The following KLF6 variants were observed in gnomAD, a reference collection of about 807,000 sequenced individuals.
KLF6 encodes KLF transcription factor 6, also known as Krueppel-like factor 6.
For synonymous variants in KLF6, 152 were observed against 147.9 expected (o/e 1.03, Z -0.20); for missense variants, 233 against 359.8 (o/e 0.65, Z 2.85).
rs1434317209 is a variant in KLF6 at position 3,777,821 on chromosome 10, C to T, written c.*1718G>A. ...CAAATATACATACACAAGAATTCTG[C>T]CCACTTTTTTAAAAAAGTAGTATAC... is the stretch of plus-strand genomic sequence containing the variant. On this transcript the variant is annotated 3_prime_UTR_variant, in exon 4 of 4. Transcript: ENST00000497571. 5 of 478,692 alleles carry T rather than the reference C, an allele frequency of 1.0e-5. No individual in the cohort carries two copies. The highest frequency in any genetic ancestry group is 2.1e-5 in the Non-Finnish European group (5 of 242,588). 29.7% of individuals were successfully genotyped at this position (478,692 alleles called of 1,614,324 possible). A position where few individuals can be genotyped will look rare whatever the true frequency, so the allele number is the denominator to read the frequency against.
rs931227399 is a variant in KLF6 at position 3,781,281 on chromosome 10, C to A, written c.676+360G>T. The A allele has an allele frequency of 1.3e-6, 1 of 759,824 alleles. No homozygotes were observed. The highest frequency in any genetic ancestry group is 2.0e-6 in the Non-Finnish European group (1 of 490,806). The allele number at this position is 759,824 out of a possible 1,614,324, so 47.1% of individuals were successfully genotyped here. ...TGACCCTTGAGTTTCATTTAGGAAA[C>A]CCCAGGGCCGCTCGAGGTAGCCTCG... On this transcript the variant is annotated intron_variant, in intron 2 of 3. Transcript: ENST00000497571. The surrounding 1 kb of genome is among the most constrained non-coding windows in gnomAD (Gnocchi z 5.8).
chr10:3,777,588 C>T lies in KLF6; in HGVS notation c.*1951G>A, dbSNP rs1002130914. ...CGGAACAGATTCAAGCAAGAAAGTC[C>T]TCCGCACATCGTTAAATTAAAGATA... is the stretch of plus-strand genomic sequence containing the variant. On this transcript the variant is annotated 3_prime_UTR_variant, in exon 4 of 4. Coordinates refer to ENST00000497571, the MANE Select transcript of KLF6 (RefSeq NM_001300.6). 9 of 511,320 alleles carry T rather than the reference C, an allele frequency of 1.8e-5. No homozygotes were observed. The highest frequency in any genetic ancestry group is 3.8e-5 in the African/African-American group (2 of 52,464). The allele number at this position is 511,320 out of a possible 1,614,324, so 31.7% of individuals were successfully genotyped here.
Position 3,781,628 on chromosome 10 carries a change from C to CGTGGGCACTGACCTGT in KLF6, c.673_676+12dup. ...ACCAGCGGCCGCCCTCCGGGGCCCG[C>CGTGGGCACTGACCTGT]GTGGGCACTGACCTGTGTGCGTCCG... is the stretch of plus-strand genomic sequence containing the variant. On this transcript the variant is annotated intron_variant, in intron 2 of 3. Transcript: ENST00000497571. This position sits in a 1 kb window ranked among gnomAD's most constrained non-coding sequence, Gnocchi z 5.8. The CGTGGGCACTGACCTGT allele has an allele frequency of 6.2e-7, 1 of 1,612,206 alleles. No individual in the cohort carries two copies. Among genetic ancestry groups the CGTGGGCACTGACCTGT allele is most frequent in the Non-Finnish European group, 8.5e-7 (1 of 1,179,224 alleles).
At position 3,785,180 on chromosome 10, in the gene KLF6, C is replaced by T; in HGVS notation, c.-166G>A. The T allele has an allele frequency of 7.0e-7, 1 of 1,424,720 alleles. No individual in the cohort carries two copies. Among genetic ancestry groups the T allele is most frequent in the Non-Finnish European group, 9.6e-7 (1 of 1,046,958 alleles). 88.3% of individuals were successfully genotyped at this position (1,424,720 alleles called of 1,614,324 possible). A position where few individuals can be genotyped will look rare whatever the true frequency, so the allele number is the denominator to read the frequency against. ...CGCAGCCCGCAGCGCGCGGAGCCCACACAATATTTGCAAACACCGGACTGA... is the reference window on the plus strand; with the variant it reads ...CGCAGCCCGCAGCGCGCGGAGCCCATACAATATTTGCAAACACCGGACTGA... On this transcript the variant is annotated 5_prime_UTR_variant, in exon 1 of 4. The change creates a new upstream start codon in the 5' untranslated region. Transcript: ENST00000497571.
rs1832383202 is a variant in KLF6 at position 3,776,667 on chromosome 10, A to T, written c.*2872T>A. On this transcript the variant is annotated 3_prime_UTR_variant, in exon 4 of 4. Coordinates refer to ENST00000497571, the MANE Select transcript of KLF6 (RefSeq NM_001300.6). The stretch of plus-strand genomic sequence containing the variant: ...TCTTGTAAAACAAAATTTTACAAAA[A>T]TCTTACAAAGATTCTTTAGATAACA... 4.1e-6 allele frequency: 2 copies of T among 484,242 alleles called. No individual in the cohort carries two copies. The highest frequency in any genetic ancestry group is 3.9e-6 in the Non-Finnish European group (1 of 255,682). The allele number at this position is 484,242 out of a possible 1,614,324, so 30.0% of individuals were successfully genotyped here. A position where few individuals can be genotyped will look rare whatever the true frequency, so the allele number is the denominator to read the frequency against.
chr10:3,777,749 CTA>C lies in KLF6; in HGVS notation c.*1788_*1789del, dbSNP rs752110682. ...CTTAAAAAAAATATTTATATATTAT[CTA>C]TATATATAATATATATATATACACA... On this transcript the variant is annotated 3_prime_UTR_variant, in exon 4 of 4. Coordinates refer to ENST00000497571, the MANE Select transcript of KLF6 (RefSeq NM_001300.6). 3.7e-6 allele frequency: 1 copy of C among 272,102 alleles called. No homozygotes were observed. Among genetic ancestry groups the C allele is most frequent in the South Asian group, 4.2e-5 (1 of 23,752 alleles). The allele number at this position is 272,102 out of a possible 1,614,324, so 16.9% of individuals were successfully genotyped here. A position where few individuals can be genotyped will look rare whatever the true frequency, so the allele number is the denominator to read the frequency against.
chr10:3,778,682 T>C lies in KLF6; in HGVS notation c.*857A>G. 2 of 527,254 alleles carry C rather than the reference T, an allele frequency of 3.8e-6. No homozygotes were observed. The highest frequency in any genetic ancestry group is 3.1e-5 in the South Asian group (2 of 64,978). The allele number at this position is 527,254 out of a possible 1,614,324, so 32.7% of individuals were successfully genotyped here. A position where few individuals can be genotyped will look rare whatever the true frequency, so the allele number is the denominator to read the frequency against. On this transcript the variant is annotated 3_prime_UTR_variant, in exon 4 of 4. Transcript: ENST00000497571. ...CTAGGGGGTCACTGTATTAGACAGATTGGATCTTAGCTGCTCATTAACTGG... is the reference window on the plus strand; with the variant it reads ...CTAGGGGGTCACTGTATTAGACAGACTGGATCTTAGCTGCTCATTAACTGG...
At position 3,780,325 on chromosome 10, in the gene KLF6, C is replaced by T; in HGVS notation, c.677-96G>A. 1 of 1,487,088 alleles carries T rather than the reference C, an allele frequency of 6.7e-7. No homozygotes were observed. Among genetic ancestry groups the T allele is most frequent in the Non-Finnish European group, 9.3e-7 (1 of 1,076,590 alleles). 92.1% of individuals were successfully genotyped at this position (1,487,088 alleles called of 1,614,324 possible). ...ACACACACAGTGGTGGGATGCAAGG[C>T]CAGGGACCCAGTGGCTTCTGGCATC... On this transcript the variant is annotated intron_variant, in intron 2 of 3. Transcript: ENST00000497571. This position sits in a 1 kb window ranked among gnomAD's most constrained non-coding sequence, Gnocchi z 4.6.
chr10:3,780,341 T>C lies in KLF6; in HGVS notation c.677-112A>G. On this transcript the variant is annotated intron_variant, in intron 2 of 3. Coordinates refer to ENST00000497571, the MANE Select transcript of KLF6 (RefSeq NM_001300.6). This position sits in a 1 kb window ranked among gnomAD's most constrained non-coding sequence, Gnocchi z 4.6. The stretch of plus-strand genomic sequence containing the variant: ...GATGCAAGGCCAGGGACCCAGTGGC[T>C]TCTGGCATCGGTAACACACAACAAC... The C allele has an allele frequency of 7.5e-7, 1 of 1,330,752 alleles. No homozygotes were observed. Among genetic ancestry groups the C allele is most frequent in the Non-Finnish European group, 1.1e-6 (1 of 935,502 alleles). 82.4% of individuals were successfully genotyped at this position (1,330,752 alleles called of 1,614,324 possible).
In KLF6 at chr10:3,776,155, G is replaced by C. The variant is rs753310422; in HGVS notation, c.*3384C>G. The stretch of plus-strand genomic sequence containing the variant: ...GGGCTGGCTGGGGAAGGTAGGCCCA[G>C]CTCTAGCTGCGGAACTGGAGCAGGC... On this transcript the variant is annotated 3_prime_UTR_variant, in exon 4 of 4. Transcript: ENST00000497571. The C allele has an allele frequency of 5.7e-6, 3 of 530,440 alleles. No individual in the cohort carries two copies. The highest frequency in any genetic ancestry group is 5.6e-5 in the African/African-American group (3 of 53,606). The allele number at this position is 530,440 out of a possible 1,614,324, so 32.9% of individuals were successfully genotyped here. A position where few individuals can be genotyped will look rare whatever the true frequency, so the allele number is the denominator to read the frequency against.
Position 3,781,286 on chromosome 10 carries a change from G to T in KLF6, c.676+355C>A. 1.3e-6 allele frequency: 1 copy of T among 780,760 alleles called. No homozygotes were observed. Among genetic ancestry groups the T allele is most frequent in the Non-Finnish European group, 2.0e-6 (1 of 508,922 alleles). 48.4% of individuals were successfully genotyped at this position (780,760 alleles called of 1,614,324 possible). ...CTTGAGTTTCATTTAGGAAACCCCA[G>T]GGCCGCTCGAGGTAGCCTCGTGCGA... On this transcript the variant is annotated intron_variant, in intron 2 of 3. Transcript: ENST00000497571. The surrounding 1 kb of genome is among the most constrained non-coding windows in gnomAD (Gnocchi z 5.8).
rs1338807072 is a variant in KLF6, at chr10:3,785,076, G to GAGCCGA, written c.-68_-63dup. 17 of 1,606,512 alleles carry GAGCCGA rather than the reference G, an allele frequency of 1.1e-5. No homozygotes were observed. The highest frequency in any genetic ancestry group is 1.3e-5 in the Non-Finnish European group (15 of 1,177,282). ...GCGGCGAGGCGCGCGGTGGGAGCCG[G>GAGCCGA]AGCCGAAAGTCTCCCCGGAGCGCAG... On this transcript the variant is annotated 5_prime_UTR_variant, in exon 1 of 4. Transcript: ENST00000497571.
At chr10:3,783,048 A>C (rs1832566710) in intron 1 of KLF6, among the ~76,000 whole-genome samples, 1 of 152,204 alleles carries the variant, frequency 6.6e-6, no homozygotes, top group Non-Finnish European at 1.5e-5. Context: ...CAAGAACTTT[A>C]TCTACTGGCC....
Position 3,777,582 on chromosome 10 carries a change from A to C in KLF6, c.*1957T>G, listed in dbSNP as rs1196946735. ...ACAGCCCGGAACAGATTCAAGCAAG[A>C]AAGTCCTCCGCACATCGTTAAATTA... On this transcript the variant is annotated 3_prime_UTR_variant, in exon 4 of 4. Transcript: ENST00000497571. 6 of 512,038 alleles carry C rather than the reference A, an allele frequency of 1.2e-5. No individual in the cohort carries two copies. Among genetic ancestry groups the C allele is most frequent in the Non-Finnish European group, 2.3e-5 (6 of 262,360 alleles). 31.7% of individuals were successfully genotyped at this position (512,038 alleles called of 1,614,324 possible). A position where few individuals can be genotyped will look rare whatever the true frequency, so the allele number is the denominator to read the frequency against.
At chr10:3,784,852 C>T in intron 1 of KLF6, 61 bp downstream of exon 1, 1 of 1,533,186 alleles carries the variant, frequency 6.5e-7, no homozygotes, top group Non-Finnish European at 8.8e-7. Flanking sequence ...GTCTGAACCC[C>T]AAACAGCCGA....
rs549019334 is a variant in KLF6, at chr10:3,782,673, C to T, written c.103-459G>A. Among the ~76,000 whole-genome samples, 19 of 152,346 alleles carry T rather than the reference C, an allele frequency of 1.2e-4. No homozygotes were observed. Among genetic ancestry groups the T allele is most frequent in the Admixed American group, 3.9e-4 (6 of 15,314 alleles). ...CCTTCACACTCCACAGATACCCACACAGGACAGAAAGACTGCACGGCACAC... is the reference window on the plus strand; with the variant it reads ...CCTTCACACTCCACAGATACCCACATAGGACAGAAAGACTGCACGGCACAC... On this transcript the variant is annotated intron_variant, in intron 1 of 3. Transcript: ENST00000497571. This position sits in a 1 kb window ranked among gnomAD's most constrained non-coding sequence, Gnocchi z 4.3.
chr10:3,784,795 C>T, intron 1 of KLF6, 118 bp downstream of exon 1: 1 of 945,180 alleles, frequency 1.1e-6, no homozygotes, highest in South Asian at 2.0e-5. Context: ...CCCGCTCCCC[C>T]GGTGACAGCG....
In KLF6 at chr10:3,779,584, A is replaced by G. The variant is rs865862344; in HGVS notation, c.807T>C (p.Phe269=). The G allele has an allele frequency of 6.2e-7, 1 of 1,614,104 alleles. No individual in the cohort carries two copies. The highest frequency in any genetic ancestry group is 8.5e-7 in the Non-Finnish European group (1 of 1,179,942). Residue 269 remains phenylalanine, a synonymous_variant, in exon 4 of 4, where the codon TTT becomes TTC. Transcript: ENST00000497571. ...PFKCSHCDRC[F]SRSDHLALHM... ...GCAGGGCCAGGTGGTCAGACCTGGAAAAACACCTGCAAGGGCAAATCAGAA... is the reference window on the plus strand; with the variant it reads ...GCAGGGCCAGGTGGTCAGACCTGGAGAAACACCTGCAAGGGCAAATCAGAA...
rs2131093281 is a variant in KLF6 at position 3,778,587 on chromosome 10, T to C, written c.*952A>G. The C allele has an allele frequency of 1.9e-6, 1 of 517,386 alleles. No homozygotes were observed. The highest frequency in any genetic ancestry group is 4.1e-5 in the East Asian group (1 of 24,224). 32.0% of individuals were successfully genotyped at this position (517,386 alleles called of 1,614,324 possible). On this transcript the variant is annotated 3_prime_UTR_variant, in exon 4 of 4. Transcript: ENST00000497571. Reference sequence around the variant, plus strand: ...TTAAAAATAATCCTGTGTTGCACAATGCCTTTCTGGAAGGGGAGTGTTACA... The same window carrying C: ...TTAAAAATAATCCTGTGTTGCACAACGCCTTTCTGGAAGGGGAGTGTTACA...
Sources: allele counts gnomAD v4.1 joint callset (sites outside exome capture counted in the v4.1 genomes callset), GRCh38; gene constraint gnomAD v4.1.1; non-coding constraint Gnocchi (gnomAD v3.1); transcripts MANE v1.5; gene names NCBI Gene and HGNC (gene_info 2026-07-23, HGNC 2026-07-21).